Variants in ECT2 observed in about 807,000 individuals in gnomAD.
ECT2 encodes protein ECT2.
Under a neutral mutation model 116.9 loss-of-function variants are expected in ECT2, and 61 were observed. The observed-to-expected ratio is 0.52, with a 90% CI of 0.42 to 0.65. The LOEUF (loss-of-function observed/expected upper bound fraction) is 0.65, where lower values mean the gene tolerates loss of function less well. ECT2 is among the 30% of genes least tolerant of loss of function. The pLI, the probability that ECT2 is intolerant of heterozygous loss-of-function variation, is 0.00. For missense variants in ECT2, 937 were observed against 1,078.7 expected, an observed-to-expected ratio of 0.87 and a Z score of 1.84; for synonymous variants, 358 against 346.4, an observed-to-expected ratio of 1.03 and a Z score of -0.37.
intron 18 of ECT2, among the ~76,000 whole-genome samples, chr3:172,801,448 A>G (rs1467032266): frequency 6.6e-6 from 1 of 152,240 alleles, no homozygotes; most frequent in African/African-American, 2.4e-5. Flanking sequence ...GTTCCATGCC[A>G]TATGAGCACT....
chr3:172,826,075 A>AGTAG (rs1730834802), downstream of ECT2, among the ~76,000 whole-genome samples: 1 of 152,034 alleles, frequency 6.6e-6, no homozygotes. Flanking sequence ...TTGTATTTTT[A>AGTAG]GTAGGGATGG....
chr3:172,785,623 G>A (rs1219604838), intron 17 of ECT2, among the ~76,000 whole-genome samples: 1 of 151,928 alleles, frequency 6.6e-6, no homozygotes, highest in Non-Finnish European at 1.5e-5. Context: ...CAGACAAGGA[G>A]GCAAATTTTG....
At chr3:172,812,995 G>A (rs1729041743) in intron 22 of ECT2, among the ~76,000 whole-genome samples, 2 of 151,938 alleles carry the variant, frequency 1.3e-5, no homozygotes, top group South Asian at 4.1e-4. Flanking sequence ...GATATGTGTG[G>A]CAGAGCTTGA....
intron 5 of ECT2, among the ~76,000 whole-genome samples, chr3:172,758,699 C>G (rs1462495830): frequency 6.6e-6 from 1 of 152,150 alleles, no homozygotes; most frequent in Non-Finnish European, 1.5e-5. Flanking sequence ...TACTTCATGT[C>G]TGTCAGAGTG....
At chr3:172,815,367 G>T (rs180907621) in intron 22 of ECT2, among the ~76,000 whole-genome samples, 55 of 152,080 alleles carry the variant, frequency 3.6e-4, no homozygotes, top group Middle Eastern at 6.8e-3. Flanking sequence ...TTATTTTGAG[G>T]TCTATTTCCA....
intron 18 of ECT2, among the ~76,000 whole-genome samples, chr3:172,800,544 C>T (rs1378129136): frequency 6.6e-6 from 1 of 152,120 alleles, no homozygotes; most frequent in Non-Finnish European, 1.5e-5. Flanking sequence ...ATTCTTTCTT[C>T]CCCAATAAAA....
intron 22 of ECT2, among the ~76,000 whole-genome samples, chr3:172,811,360 C>G (rs1355668195): frequency 6.6e-6 from 1 of 152,162 alleles, no homozygotes; most frequent in Non-Finnish European, 1.5e-5. Context: ...AAAGGAAGTA[C>G]TTCATATTTG....
chr3:172,762,587 C>T (rs773544097), intron 9 of ECT2, 41 bp downstream of exon 9: 60 of 1,577,840 alleles, frequency 3.8e-5, no homozygotes, highest in Non-Finnish European at 5.1e-5. Context: ...CTATTTTAGT[C>T]CCTAGGCCTG....
At chr3:172,754,036 G>T (rs1716457192) in intron 1 of ECT2, among the ~76,000 whole-genome samples, 1 of 152,122 alleles carries the variant, frequency 6.6e-6, no homozygotes, top group African/African-American at 2.4e-5. Context: ...AGAGAAGGGG[G>T]GCCAGATTCC....
At chr3:172,810,337 T>C (rs987865758) in intron 22 of ECT2, among the ~76,000 whole-genome samples, 3 of 152,164 alleles carry the variant, frequency 2.0e-5, no homozygotes, top group Non-Finnish European at 4.4e-5. Context: ...TAAATCACCA[T>C]TGGCTACTTA....
At chr3:172,818,145 A>T (rs79405305) in intron 24 of ECT2, among the ~76,000 whole-genome samples, 3,095 of 152,162 alleles carry the variant, frequency 0.02, 106 homozygotes, top group African/African-American at 0.07. Flanking sequence ...ATATATTTTA[A>T]AGTTGCTTAA....
At position 172,760,264 on chromosome 3, in the gene ECT2, G is replaced by A; in HGVS notation, c.684+1G>A. 1 of 1,597,586 alleles carries A rather than the reference G, an allele frequency of 6.3e-7. No individual in the cohort carries two copies. Among genetic ancestry groups the A allele is most frequent in the Non-Finnish European group, 8.6e-7 (1 of 1,167,710 alleles). Reference sequence around the variant, plus strand: ...TTGTACACAAGGAGAAAAATTCAGGGTATGTAAACTTGGGTATTTTTGTGT... The same window carrying A: ...TTGTACACAAGGAGAAAAATTCAGGATATGTAAACTTGGGTATTTTTGTGT... On this transcript the variant is annotated splice_donor_variant, in intron 7 of 24. Transcript: ENST00000392692. LOFTEE classifies it high-confidence loss of function.
At chr3:172,760,105 A>C in intron 6 of ECT2, 51 bp from the exon 7 acceptor site, 1 of 1,259,518 alleles carries the variant, frequency 7.9e-7, no homozygotes, top group South Asian at 1.5e-5. Context: ...ATAGTTTAAA[A>C]TTTTGTTCAA....
chr3:172,793,337 G>A (rs1417319199), intron 18 of ECT2, among the ~76,000 whole-genome samples: 1 of 151,744 alleles, frequency 6.6e-6, no homozygotes, highest in African/African-American at 2.4e-5. Flanking sequence ...GCTAATTTTT[G>A]TATTTTTAGT....
At chr3:172,768,973 T>A in intron 12 of ECT2, 34 bp from the exon 13 acceptor site, 1 of 1,539,914 alleles carries the variant, frequency 6.5e-7, no homozygotes, top group Non-Finnish European at 8.8e-7. Context: ...TATATTTGGC[T>A]TCCATTAAAT....
intron 22 of ECT2, among the ~76,000 whole-genome samples, chr3:172,813,321 C>T (rs1729100925): frequency 6.6e-6 from 1 of 151,692 alleles, no homozygotes; most frequent in African/African-American, 2.4e-5. Context: ...ATAAAGATAG[C>T]ATTATATCAA....
downstream of ECT2, among the ~76,000 whole-genome samples, chr3:172,823,744 A>G (rs1480817343): frequency 6.6e-6 from 1 of 152,156 alleles, no homozygotes; most frequent in Non-Finnish European, 1.5e-5. Context: ...TTAAAAATAC[A>G]TGATTGCTTA....
chr3:172,805,559 A>C (rs867062172), intron 20 of ECT2, among the ~76,000 whole-genome samples, 172 bp from the exon 21 acceptor site: 2 of 152,182 alleles, frequency 1.3e-5, no homozygotes, highest in African/African-American at 4.8e-5. Flanking sequence ...CTGCTATACA[A>C]TTACATGTTT....
chr3:172,765,022 A>G (rs139783780), intron 12 of ECT2, among the ~76,000 whole-genome samples: 18 of 152,354 alleles, frequency 1.2e-4, no homozygotes, highest in South Asian at 4.1e-4. Context: ...AGAAACAAAA[A>G]AAATCAAAAT....
Sources: allele counts gnomAD v4.1 joint callset (sites outside exome capture counted in the v4.1 genomes callset), GRCh38; gene constraint gnomAD v4.1.1; transcripts MANE v1.5; gene names NCBI Gene and HGNC (gene_info 2026-07-23, HGNC 2026-07-21).